SLC23A2: variants seen among roughly 807,000 people sequenced by gnomAD.
SLC23A2 encodes solute carrier family 23 member 2, also known as Na(+)/L-ascorbic acid transporter 2.
SLC23A2 carries 36 observed loss-of-function variants against 73.3 expected under a neutral mutation model. The observed-to-expected ratio is 0.49, with a 90% CI of 0.38 to 0.65. SLC23A2 has a LOEUF of 0.65. Ranked by LOEUF, SLC23A2 falls within the 30% of genes least tolerant of loss-of-function variation. The pLI is 0.00. For missense variants in SLC23A2, 507 were observed against 841.6 expected (o/e 0.60, Z 4.92); for synonymous variants, 343 against 327.3 (o/e 1.05, Z -0.52).
At chr20:4,982,159 T>A (rs188854346) in intron 1 of SLC23A2, among the ~76,000 whole-genome samples, 438 of 150,974 alleles carry the variant, frequency 2.9e-3, no homozygotes, top group Middle Eastern at 0.017. Flanking sequence ...CACGCCCAGC[T>A]AATTTTTGTA....
chr20:4,977,861 C>A (rs950827749), intron 1 of SLC23A2, among the ~76,000 whole-genome samples: 1 of 151,836 alleles, frequency 6.6e-6, no homozygotes, highest in East Asian at 1.9e-4. Flanking sequence ...TTTAAAAGCT[C>A]AAAATTCATA....
intron 9 of SLC23A2, among the ~76,000 whole-genome samples, chr20:4,880,688 A>G (rs1930847766): frequency 6.6e-6 from 1 of 151,892 alleles, no homozygotes; most frequent in African/African-American, 2.4e-5. Flanking sequence ...GTAAGGGTGG[A>G]GTGGAGGAAG....
intron 11 of SLC23A2, among the ~76,000 whole-genome samples, chr20:4,873,044 C>T (rs1027204224): frequency 1.4e-4 from 22 of 152,326 alleles, no homozygotes; most frequent in African/African-American, 4.3e-4. Flanking sequence ...CATGTCCCGC[C>T]GCGCCCGGCC....
At chr20:4,915,966 T>C (rs1362525252) in intron 3 of SLC23A2, among the ~76,000 whole-genome samples, 2 of 151,932 alleles carry the variant, frequency 1.3e-5, no homozygotes, top group Admixed American at 6.6e-5. Flanking sequence ...AAAAATAAAA[T>C]AAAATAAAAA....
intron 1 of SLC23A2, among the ~76,000 whole-genome samples, chr20:5,010,020 G>A (rs1336956529): frequency 5.3e-5 from 8 of 151,608 alleles, no homozygotes; most frequent in Admixed American, 2.0e-4. Context: ...GACTGAACCC[G>A]GGAGGCGGAG....
chr20:4,921,969 C>A (rs138435520), intron 3 of SLC23A2, among the ~76,000 whole-genome samples: 1 of 152,282 alleles, frequency 6.6e-6, no homozygotes, highest in African/African-American at 2.4e-5. Context: ...GGGAATGTGA[C>A]AACTGAGTGA....
chr20:5,000,059 A>G (rs773187028), intron 1 of SLC23A2, among the ~76,000 whole-genome samples: 28 of 152,190 alleles, frequency 1.8e-4, no homozygotes, highest in Admixed American at 1.0e-3. Context: ...ACTGGTGCCC[A>G]AAAGCCATTA....
intron 1 of SLC23A2, among the ~76,000 whole-genome samples, chr20:4,980,657 A>T (rs1402478430): frequency 6.6e-6 from 1 of 151,278 alleles, no homozygotes; most frequent in Non-Finnish European, 1.5e-5. Flanking sequence ...CAGCTTCCCT[A>T]ATAGCTGGGA....
chr20:4,896,992 A>G (rs1286245682), intron 6 of SLC23A2, among the ~76,000 whole-genome samples: 1 of 152,092 alleles, frequency 6.6e-6, no homozygotes, highest in Non-Finnish European at 1.5e-5. Flanking sequence ...GGCCTGTCTC[A>G]AACACCACCT....
intron 9 of SLC23A2, among the ~76,000 whole-genome samples, chr20:4,879,116 C>T (rs1051356634): frequency 6.6e-6 from 1 of 152,112 alleles, no homozygotes; most frequent in Non-Finnish European, 1.5e-5. Context: ...CATAAAGATC[C>T]TTCTATACAG....
intron 6 of SLC23A2, among the ~76,000 whole-genome samples, chr20:4,895,309 G>A (rs1186295947): frequency 6.6e-6 from 1 of 152,152 alleles, no homozygotes; most frequent in Non-Finnish European, 1.5e-5. Context: ...AGGCCTGCAC[G>A]CCCGGCTGCA....
chr20:4,941,639 TTGC>T (rs1388980014), intron 2 of SLC23A2, among the ~76,000 whole-genome samples: 1 of 151,302 alleles, frequency 6.6e-6, no homozygotes, highest in Non-Finnish European at 1.5e-5. Flanking sequence ...GAGGCAGAGG[TTGC>T]AGTAAGCCAA....
chr20:4,934,026 C>A (rs2086919725), intron 2 of SLC23A2, among the ~76,000 whole-genome samples: 1 of 152,174 alleles, frequency 6.6e-6, no homozygotes, highest in South Asian at 2.1e-4. Context: ...TTTTAGAGTT[C>A]AGAAATCAGA....
At chr20:4,981,930 T>G (rs1374717672) in intron 1 of SLC23A2, among the ~76,000 whole-genome samples, 1 of 152,124 alleles carries the variant, frequency 6.6e-6, no homozygotes, top group Non-Finnish European at 1.5e-5. Flanking sequence ...CTCGATTTCC[T>G]GACCTCACGA....
intron 1 of SLC23A2, among the ~76,000 whole-genome samples, chr20:5,000,662 C>T (rs2122376072): frequency 6.6e-6 from 1 of 152,256 alleles, no homozygotes; most frequent in South Asian, 2.1e-4. Context: ...ACGCTTAAAC[C>T]CCCAGCCTGC....
intron 1 of SLC23A2, among the ~76,000 whole-genome samples, chr20:4,987,574 C>T (rs13044890): frequency 0.41 from 62,310 of 151,954 alleles, 13,714 homozygotes; most frequent in East Asian, 0.61. Context: ...TGTGGCCGGG[C>T]GCGGTGGCTC....
At position 4,912,251 on chromosome 20, in the gene SLC23A2, A is replaced by G. The variant is rs190778789; in HGVS notation, c.207+629T>C. ...CAAAACAAAAATAAACAAAAAAACC[A>G]CAAACACGATTCTCCCCACCTTAGT... On this transcript the variant is annotated intron_variant, in intron 4 of 16. Coordinates refer to ENST00000338244, the MANE Select transcript of SLC23A2 (RefSeq NM_005116.6). 2.0e-3 allele frequency among the ~76,000 whole-genome samples: 303 copies of G among 152,036 alleles called. 4 individuals are homozygous for G. The highest frequency in any genetic ancestry group is 0.017 in the Admixed American group (261 of 15,256).
chr20:4,984,446 T>C (rs1310217688), intron 1 of SLC23A2, among the ~76,000 whole-genome samples: 1 of 150,822 alleles, frequency 6.6e-6, no homozygotes, highest in African/African-American at 2.4e-5. Flanking sequence ...CCCAGCTATT[T>C]GGAGGCTGAC....
intron 1 of SLC23A2, among the ~76,000 whole-genome samples, chr20:4,992,168 A>C (rs1363150778): frequency 2.0e-5 from 3 of 152,222 alleles, no homozygotes; most frequent in Non-Finnish European, 2.9e-5. Context: ...AAAACTGAGC[A>C]TAGGCACTAC....
Sources: allele counts gnomAD v4.1 joint callset (sites outside exome capture counted in the v4.1 genomes callset), GRCh38; gene constraint gnomAD v4.1.1; transcripts MANE v1.5; gene names NCBI Gene and HGNC (gene_info 2026-07-23, HGNC 2026-07-21).